TMEM131L: variants seen among roughly 807,000 people sequenced by gnomAD.
TMEM131L encodes the protein transmembrane protein 131-like.
Under a neutral mutation model 192.2 loss-of-function variants are expected in TMEM131L, and 54 were observed. The observed-to-expected ratio is 0.28, with a 90% CI of 0.23 to 0.35. The LOEUF is 0.35. Ranked by LOEUF, TMEM131L falls within the 10% of genes least tolerant of loss-of-function variation. The pLI is 1.00. For synonymous variants in TMEM131L, 701 were observed against 704.9 expected (o/e 0.99, Z 0.09); for missense variants, 1,888 against 1,972.9 (o/e 0.96, Z 0.82).
At chr4:153,469,997 T>C (rs763602424) in intron 2 of TMEM131L, among the ~76,000 whole-genome samples, 17 of 151,792 alleles carry the variant, frequency 1.1e-4, no homozygotes, top group Non-Finnish European at 1.8e-4. Context: ...TGTATAGTTA[T>C]TTATTTTGGA....
At chr4:153,596,141 A>G (rs1020531501) in intron 19 of TMEM131L, 117 bp from the exon 20 acceptor site, 40 of 1,197,410 alleles carry the variant, frequency 3.3e-5, no homozygotes, top group Non-Finnish European at 4.5e-5. Flanking sequence ...GTTGATTAGG[A>G]GGATCAAATC....
In TMEM131L at chr4:153,627,585, CT is replaced by C; in HGVS notation, c.4125-17del. On this transcript the variant is annotated intron_variant, in intron 30 of 34. Coordinates refer to ENST00000409959, the MANE Select transcript of TMEM131L (RefSeq NM_001131007.2). ...GTGCAGAAAAAATGAGTCGTTCCTC[CT>C]TTGCCCTCTTCCCCACAGGACCGTG... is the stretch of plus-strand genomic sequence containing the variant. The C allele has an allele frequency of 6.2e-7, 1 of 1,602,908 alleles. No individual in the cohort carries two copies.
intron 3 of TMEM131L, among the ~76,000 whole-genome samples, chr4:153,507,272 G>A (rs549053429): frequency 1.3e-5 from 2 of 152,270 alleles, no homozygotes; most frequent in Non-Finnish European, 2.9e-5. Flanking sequence ...TCCTTTGGAG[G>A]GTGTGTTTTG....
chr4:153,621,897 G>A, intron 28 of TMEM131L, 48 bp downstream of exon 28: 1 of 1,582,100 alleles, frequency 6.3e-7, no homozygotes, highest in Non-Finnish European at 8.7e-7. Flanking sequence ...GGGAATTTTT[G>A]TTTCCTCAAT....
At chr4:153,474,057 T>C (rs932641717) in intron 3 of TMEM131L, among the ~76,000 whole-genome samples, 169 bp downstream of exon 3, 2 of 151,996 alleles carry the variant, frequency 1.3e-5, no homozygotes, top group African/African-American at 4.8e-5. Context: ...TAATACGATT[T>C]TGTTTTAAAA....
Position 153,558,258 on chromosome 4 carries a change from G to T in TMEM131L, c.550G>T (p.Val184Leu). The T allele has an allele frequency of 6.6e-7, 1 of 1,521,778 alleles. No individual in the cohort carries two copies. Among genetic ancestry groups the T allele is most frequent in the Middle Eastern group, 1.7e-4 (1 of 5,820 alleles). 94.3% of individuals were successfully genotyped at this position (1,521,778 alleles called of 1,614,324 possible). A position where few individuals can be genotyped will look rare whatever the true frequency, so the allele number is the denominator to read the frequency against. ...TSSYGVLSYHVSGIGTRRIST... is the reference protein window; with the variant it reads ...TSSYGVLSYHLSGIGTRRIST... ...AGCAATTCTCTCTCTTTTTCCGCAGGTATCTGGAATTGGCACTCGTAGAAT... is the reference window on the plus strand; with the variant it reads ...AGCAATTCTCTCTCTTTTTCCGCAGTTATCTGGAATTGGCACTCGTAGAAT... Residue 184 changes from valine (V) to leucine (L), a missense_variant and splice_region_variant, in exon 7 of 35, where the codon GTA (valine) becomes TTA (leucine). Val to Leu is a conservative substitution (Grantham distance 32, BLOSUM62 1). Coordinates refer to ENST00000409959, the MANE Select transcript of TMEM131L (RefSeq NM_001131007.2).
chr4:153,467,345 C>G (rs552344217), intron 2 of TMEM131L, 64 bp downstream of exon 2: 4 of 1,354,596 alleles, frequency 3.0e-6, no homozygotes, highest in Non-Finnish European at 4.1e-6. Flanking sequence ...GGGAGGCCCC[C>G]GGTCCTCCCC....
At chr4:153,594,814 A>C (rs1422951335) in intron 19 of TMEM131L, among the ~76,000 whole-genome samples, 1 of 152,030 alleles carries the variant, frequency 6.6e-6, no homozygotes, top group African/African-American at 2.4e-5. Context: ...GTGTGGTTTT[A>C]TTCTTGTTAG....
intron 3 of TMEM131L, among the ~76,000 whole-genome samples, chr4:153,534,467 T>C (rs973766506): frequency 2.0e-5 from 3 of 152,122 alleles, no homozygotes; most frequent in African/African-American, 7.2e-5. Flanking sequence ...AGAGTCTTGC[T>C]CTGTCGCCCA....
chr4:153,487,141 A>G (rs1254296596), intron 3 of TMEM131L, among the ~76,000 whole-genome samples: 1 of 152,172 alleles, frequency 6.6e-6, no homozygotes, highest in African/African-American at 2.4e-5. Flanking sequence ...CAAGTTTGAA[A>G]ACCATTGGCC....
chr4:153,473,974 GT>G, intron 3 of TMEM131L, 86 bp downstream of exon 3: 1 of 854,610 alleles, frequency 1.2e-6, no homozygotes, highest in Non-Finnish European at 1.8e-6. Flanking sequence ...ATATGTCCAT[GT>G]TTATGTATTT....
chr4:153,596,409 T>G (rs751500647), intron 20 of TMEM131L, 24 bp downstream of exon 20: 1 of 1,611,170 alleles, frequency 6.2e-7, no homozygotes, highest in Non-Finnish European at 8.5e-7. Context: ...TGTTGTAGAA[T>G]CTGTTTCTTT....
chr4:153,560,453 A>G (rs1728775541), intron 7 of TMEM131L, among the ~76,000 whole-genome samples: 1 of 152,072 alleles, frequency 6.6e-6, no homozygotes, highest in Admixed American at 6.5e-5. Context: ...TCTTTTTTGT[A>G]TTTTTAAAAT....
chr4:153,579,333 C>CA (rs1292227689), intron 7 of TMEM131L, among the ~76,000 whole-genome samples: 3 of 151,528 alleles, frequency 2.0e-5, no homozygotes, highest in African/African-American at 7.3e-5. Flanking sequence ...GACCCTGTCT[C>CA]AAAAAACAAA....
At chr4:153,495,518 G>A (rs1029056532) in intron 3 of TMEM131L, among the ~76,000 whole-genome samples, 1 of 152,096 alleles carries the variant, frequency 6.6e-6, no homozygotes, top group African/African-American at 2.4e-5. Flanking sequence ...GAGAGAAAAG[G>A]TTGCATTCTT....
At chr4:153,616,124 A>G (rs1464795847) in intron 26 of TMEM131L, among the ~76,000 whole-genome samples, 3 of 152,106 alleles carry the variant, frequency 2.0e-5, no homozygotes, top group Non-Finnish European at 2.9e-5. Flanking sequence ...AGACGTCTGC[A>G]TCTAATGGTG....
intron 3 of TMEM131L, among the ~76,000 whole-genome samples, chr4:153,490,681 C>T (rs920959928): frequency 6.6e-6 from 1 of 151,886 alleles, no homozygotes; most frequent in Non-Finnish European, 1.5e-5. Context: ...AGCGGCCGGG[C>T]GTGGGGGCTC....
chr4:153,490,727 G>A (rs1167958404), intron 3 of TMEM131L, among the ~76,000 whole-genome samples: 6 of 151,886 alleles, frequency 4.0e-5, no homozygotes, highest in Admixed American at 1.3e-4. Context: ...AGGCCGAGGC[G>A]GGTGGATCAT....
At chr4:153,589,876 C>T (rs926022153) in intron 16 of TMEM131L, among the ~76,000 whole-genome samples, 5 of 152,178 alleles carry the variant, frequency 3.3e-5, no homozygotes, top group Non-Finnish European at 7.4e-5. Flanking sequence ...AACACATACA[C>T]GCACAGACTT....
Sources: allele counts gnomAD v4.1 joint callset (sites outside exome capture counted in the v4.1 genomes callset), GRCh38; gene constraint gnomAD v4.1.1; transcripts MANE v1.5; gene names NCBI Gene and HGNC (gene_info 2026-07-23, HGNC 2026-07-21).